JADE3: variants seen among roughly 807,000 people sequenced by gnomAD.
The protein encoded by JADE3 is jade family PHD finger 3.
A neutral mutation model predicts 50.1 loss-of-function variants in JADE3; 2 were observed. The ratio of observed to expected loss-of-function variants is 0.04; its 90% CI spans 0.02 to 0.13. The LOEUF (loss-of-function observed/expected upper bound fraction) is 0.13, where lower values mean the gene tolerates loss of function less well. JADE3 is among the 10% of genes least tolerant of loss of function. The pLI is 1.00. For missense variants in JADE3, 475 were observed against 634.4 expected (o/e 0.75, Z 2.70); for synonymous variants, 218 against 232.9 (o/e 0.94, Z 0.58).
chrX:46,990,715 A>G (rs1556355713), intron 3 of JADE3, among the ~76,000 whole-genome samples: 1 of 111,521 alleles, frequency 9.0e-6, no homozygotes, highest in African/African-American at 3.3e-5. Context: ...TTCTTGTAGC[A>G]TACAATTCAC....
chrX:46,930,986 T>C (rs1556339805), intron 1 of JADE3, among the ~76,000 whole-genome samples: 2 of 111,691 alleles, frequency 1.8e-5, no homozygotes, highest in African/African-American at 6.5e-5. Flanking sequence ...CTTCTAGTTA[T>C]GAATGAGGAA....
rs1016967924 is a variant in JADE3 at position 47,048,071 on chromosome X, C to T, written c.973-6087C>T. Among the ~76,000 whole-genome samples the T allele has an allele frequency of 8.1e-5, 9 of 111,341 alleles. No homozygotes were observed. The Admixed American group carries it at 8.6e-4, about 11-fold the overall frequency. ...AGGAAAGCTCACCCTTGGTGTTCAG[C>T]GATTTTATTGAGAGTTGGCCACGTA... On this transcript the variant is annotated intron_variant, in intron 8 of 10. Coordinates refer to ENST00000614628, the MANE Select transcript of JADE3 (RefSeq NM_014735.5).
chrX:46,926,849 A>G (rs1265447050), intron 1 of JADE3, among the ~76,000 whole-genome samples: 1 of 112,193 alleles, frequency 8.9e-6, no homozygotes, highest in African/African-American at 3.2e-5. Flanking sequence ...GTTCCTTTTT[A>G]TTGCTGAGTA....
intron 4 of JADE3, among the ~76,000 whole-genome samples, chrX:47,016,152 C>T (rs1226169970): frequency 9.0e-6 from 1 of 110,749 alleles, no homozygotes; most frequent in Non-Finnish European, 1.9e-5. Flanking sequence ...TACCTACCTA[C>T]ATATCATTAG....
In JADE3 at chrX:47,018,270, A is replaced by G. The variant is rs191923202; in HGVS notation, c.285-6454A>G. ...CCTCCTTTTTCATCCCATTTTAGGC[A>G]GCAGCATTCTATCACTTTTACTTTC... is the stretch of plus-strand genomic sequence containing the variant. On this transcript the variant is annotated intron_variant, in intron 4 of 10. Coordinates refer to ENST00000614628, the MANE Select transcript of JADE3 (RefSeq NM_014735.5). Among the ~76,000 whole-genome samples the G allele has an allele frequency of 9.1e-5, 10 of 110,381 alleles. No homozygotes were observed. In the East Asian group the frequency reaches 2.8e-3, roughly 31 times the overall value.
chrX:47,021,681 G>A (rs1928797184), intron 4 of JADE3, among the ~76,000 whole-genome samples: 1 of 112,266 alleles, frequency 8.9e-6, no homozygotes, highest in Non-Finnish European at 1.9e-5. Flanking sequence ...TTGCATTTCC[G>A]TGATAACTAA....
At chrX:47,012,733 A>G (rs782067513) in intron 4 of JADE3, among the ~76,000 whole-genome samples, 1 of 111,371 alleles carries the variant, frequency 9.0e-6, no homozygotes, top group African/African-American at 3.3e-5. Flanking sequence ...ATTTTCTTCT[A>G]AGAATTTTAT....
chrX:47,058,124 A>C (rs1480748890), intron 10 of JADE3, 43 bp from the exon 11 acceptor site: 14 of 1,095,360 alleles, frequency 1.3e-5, no homozygotes, highest in Non-Finnish European at 1.6e-5. Flanking sequence ...AAAAGCCATT[A>C]TTTAAATCGG....
chrX:46,947,386 G>C (rs1288497164), intron 1 of JADE3, among the ~76,000 whole-genome samples: 2 of 111,660 alleles, frequency 1.8e-5, no homozygotes, highest in Non-Finnish European at 3.8e-5. Flanking sequence ...CTTGGACATG[G>C]ACTGTATCTC....
intron 8 of JADE3, among the ~76,000 whole-genome samples, chrX:47,049,457 C>G (rs1448140289): frequency 4.7e-5 from 5 of 105,854 alleles, no homozygotes; most frequent in Admixed American, 2.0e-4. Context: ...TGAGCCACCG[C>G]GCCCAACCCT....
chrX:46,972,084 G>A (rs1161894576), intron 1 of JADE3, among the ~76,000 whole-genome samples: 1 of 111,806 alleles, frequency 8.9e-6, no homozygotes, highest in East Asian at 2.8e-4. Flanking sequence ...TTTTGATATG[G>A]CCTACAAGCA....
At position 46,958,085 on chromosome X, in the gene JADE3, G is replaced by A. The variant is rs183715030; in HGVS notation, c.-11-26799G>A. Among the ~76,000 whole-genome samples the A allele has an allele frequency of 7.4e-3, 824 of 111,427 alleles. 2 individuals are homozygous for A. The highest frequency in any genetic ancestry group is 0.018 in the Middle Eastern group (4 of 217). Reference sequence around the variant, plus strand: ...GATCCCCAAACTTTTTCTAGTCTTGGTTCCCCTCTCTGGATGCACTTTCAT... The same window carrying A: ...GATCCCCAAACTTTTTCTAGTCTTGATTCCCCTCTCTGGATGCACTTTCAT... On this transcript the variant is annotated intron_variant, in intron 1 of 10. Coordinates refer to ENST00000614628, the MANE Select transcript of JADE3 (RefSeq NM_014735.5).
chrX:47,045,752 A>G (rs1929355375), intron 8 of JADE3, among the ~76,000 whole-genome samples: 1 of 111,663 alleles, frequency 9.0e-6, no homozygotes, highest in African/African-American at 3.2e-5. Context: ...TTTGGAAACT[A>G]TACAAACACT....
rs143458465 is a variant in JADE3, at chrX:47,054,408, A to G, written c.1223A>G (p.Tyr408Cys). Residue 408 changes from tyrosine to cysteine, a missense_variant, in exon 9 of 11, where the codon TAT becomes TGT. Physicochemically the swap from Tyr to Cys is radical, Grantham distance 194. Around this residue, in one of 6 missense-constraint regions of JADE3, gnomAD observed 81 missense variants for 123.8 expected, o/e 0.65. Transcript: ENST00000614628. Reference protein sequence around the residue: ...QKLRELEEEFYSLVRVEDVAA... With the variant: ...QKLRELEEEFCSLVRVEDVAA... ...CTTCGGGAGCTGGAGGAGGAGTTCT[A>G]TTCCTTGGTACGAGTGGAAGATGTG... 1.1e-5 allele frequency: 13 copies of G among 1,209,569 alleles called. No individual in the cohort carries two copies. Among genetic ancestry groups the G allele is most frequent in the African/African-American group, 1.0e-4 (6 of 57,263 alleles).
intron 1 of JADE3, among the ~76,000 whole-genome samples, chrX:46,948,456 T>C: frequency 8.9e-6 from 1 of 112,177 alleles, no homozygotes; most frequent in Middle Eastern, 4.2e-3. Flanking sequence ...TGCATTCATT[T>C]TGTGGGCTCG....
At chrX:47,013,795 A>G (rs56008406) in intron 4 of JADE3, among the ~76,000 whole-genome samples, 6,655 of 111,963 alleles carry the variant, frequency 0.059, 477 homozygotes, top group African/African-American at 0.2. Context: ...TGTGATAGCA[A>G]AAGACGTTCT....
At chrX:46,953,575 G>A (rs1443498977) in intron 1 of JADE3, among the ~76,000 whole-genome samples, 2 of 111,750 alleles carry the variant, frequency 1.8e-5, no homozygotes, top group East Asian at 5.6e-4. Context: ...TTTAATGGAT[G>A]TTTTGGGTTG....
chrX:46,928,761 GGTTTT>G (rs781885491), intron 1 of JADE3, among the ~76,000 whole-genome samples: 1,200 of 110,306 alleles, frequency 0.011, 12 homozygotes, highest in Middle Eastern at 0.046. Context: ...TTAAATGGTG[GGTTTT>G]GTTTTGTTTT....
chrX:46,914,992 G>A (rs1004159260), intron 1 of JADE3, among the ~76,000 whole-genome samples: 7 of 112,110 alleles, frequency 6.2e-5, no homozygotes, highest in Non-Finnish European at 1.1e-4. Context: ...TGTAGGTTTA[G>A]TATTGTCCTC....
Sources: gnomAD v4.1 joint callset for allele counts (sites outside exome capture counted in the v4.1 genomes callset) on GRCh38, gnomAD v4.1.1 for gene constraint, gnomAD v4.1.1 regional missense constraint, MANE v1.5 for transcripts, NCBI Gene and HGNC (gene_info 2026-07-23, HGNC 2026-07-21) for gene names.